Variants in TPTE observed in about 807,000 individuals in gnomAD.
TPTE encodes transmembrane phosphatase with tensin homology.
Under a neutral mutation model 84.1 loss-of-function variants are expected in TPTE, and 59 were observed. The observed-to-expected ratio is 0.70, with a 90% CI of 0.57 to 0.87. The LOEUF (loss-of-function observed/expected upper bound fraction) is 0.87. TPTE is among the 40% of genes least tolerant of loss of function. TPTE has a pLI of 0.00. For synonymous variants in TPTE, 130 were observed against 223.5 expected (o/e 0.58, Z 3.73); for missense variants, 382 against 659.6 (o/e 0.58, Z 4.61).
At chr21:10,572,276 C>T (rs1348810287) in intron 14 of TPTE, among the ~76,000 whole-genome samples, 13 of 152,390 alleles carry the variant, frequency 8.5e-5, no homozygotes, top group African/African-American at 1.2e-4. Context: ...ATGAAGAAAC[C>T]GCATTTCTAC....
chr21:10,588,311 A>C (rs1325227186), intron 17 of TPTE, among the ~76,000 whole-genome samples: 2 of 152,420 alleles, frequency 1.3e-5, no homozygotes, highest in African/African-American at 4.8e-5. Context: ...TGGTTTGCAT[A>C]TGCTGAACCT....
At chr21:10,593,996 C>CT (rs1340021504) in intron 19 of TPTE, among the ~76,000 whole-genome samples, 1 of 152,308 alleles carries the variant, frequency 6.6e-6, no homozygotes, top group Non-Finnish European at 1.5e-5. Context: ...GTCATAGACT[C>CT]TAAGCTAAAA....
chr21:10,566,561 T>A (rs996470092), intron 10 of TPTE, among the ~76,000 whole-genome samples: 7 of 152,312 alleles, frequency 4.6e-5, no homozygotes, highest in South Asian at 2.1e-4. Context: ...CATTCCCTTT[T>A]TGTTGCAGCA....
chr21:10,523,855 TC>T (rs1318023087), intron 1 of TPTE, among the ~76,000 whole-genome samples: 3 of 152,308 alleles, frequency 2.0e-5, no homozygotes, highest in Admixed American at 2.0e-4. Flanking sequence ...TAGTTCTAGA[TC>T]CCTGAGGAAT....
chr21:10,531,576 A>G (rs576695305), intron 3 of TPTE, among the ~76,000 whole-genome samples: 239 of 152,286 alleles, frequency 1.6e-3, no homozygotes, highest in Middle Eastern at 3.4e-3. Flanking sequence ...ATGGAATCCC[A>G]TTCAAAAGTT....
At chr21:10,544,858 C>T (rs1392751554) in intron 7 of TPTE, among the ~76,000 whole-genome samples, 5 of 152,308 alleles carry the variant, frequency 3.3e-5, no homozygotes, top group African/African-American at 1.2e-4. Context: ...TTGCCAGAAA[C>T]AGTAACTTGG....
Position 10,605,462 on chromosome 21 carries a change from A to T in TPTE, c.1566A>T (p.Lys522Asn), listed in dbSNP as rs1979172862. 6.2e-7 allele frequency: 1 copy of T among 1,614,232 alleles called. No homozygotes were observed. Among genetic ancestry groups the T allele is most frequent in the Non-Finnish European group, 8.5e-7 (1 of 1,180,022 alleles). ...AATTGGATAATCTACATAAACAAAA[A>T]GCACGGAGAATTTATCCATCAGATT... is the stretch of plus-strand genomic sequence containing the variant. ...KNELDNLHKQ[K>N]ARRIYPSDFA... The change falls in exon 24 of 24, where the codon AAA becomes AAT. Residue 522 changes from lysine to asparagine, a missense_variant. Physicochemically the swap from Lys to Asn is moderately conservative, Grantham distance 94. Transcript: ENST00000618007.
chr21:10,562,339 A>G (rs1170756165), intron 10 of TPTE, among the ~76,000 whole-genome samples: 1 of 152,308 alleles, frequency 6.6e-6, no homozygotes, highest in Non-Finnish European at 1.5e-5. Flanking sequence ...TAACTCTTCA[A>G]TGCCCAGACA....
chr21:10,542,530 C>CCCATCCAT (rs3049906), intron 6 of TPTE, 82 bp downstream of exon 6: 31,117 of 1,307,216 alleles, frequency 0.024, 10 homozygotes, highest in African/African-American at 0.11. Context: ...GCAAGTATAC[C>CCCATCCAT]CCATCCATCC....
intron 10 of TPTE, among the ~76,000 whole-genome samples, chr21:10,566,545 T>G (rs375857798): frequency 1.3e-5 from 2 of 152,304 alleles, no homozygotes; most frequent in Non-Finnish European, 2.9e-5. Flanking sequence ...ATAGAAGAGA[T>G]ATCTGCATTC....
intron 3 of TPTE, among the ~76,000 whole-genome samples, chr21:10,537,414 C>T (rs1490144570): frequency 3.9e-5 from 6 of 152,308 alleles, no homozygotes; most frequent in Admixed American, 1.3e-4. Context: ...CGTGGTGGCT[C>T]ACGCCTGTAA....
intron 3 of TPTE, among the ~76,000 whole-genome samples, chr21:10,534,271 C>G (rs1568954067): frequency 6.6e-6 from 1 of 152,426 alleles, no homozygotes; most frequent in East Asian, 1.9e-4. Flanking sequence ...GAGATGTAGG[C>G]AGGTGGAGGA....
At chr21:10,593,242 G>T (rs900599572) in intron 19 of TPTE, among the ~76,000 whole-genome samples, 1 of 152,306 alleles carries the variant, frequency 6.6e-6, no homozygotes, top group Non-Finnish European at 1.5e-5. Context: ...CAGCATTTTA[G>T]TATGACATTT....
intron 3 of TPTE, among the ~76,000 whole-genome samples, chr21:10,527,750 G>A (rs1018313974): frequency 1.3e-5 from 2 of 152,312 alleles, no homozygotes; most frequent in South Asian, 4.1e-4. Flanking sequence ...AAGAGACCCT[G>A]TATCTGTCCC....
At chr21:10,592,881 A>G (rs1260923644) in intron 19 of TPTE, among the ~76,000 whole-genome samples, 2 of 152,300 alleles carry the variant, frequency 1.3e-5, no homozygotes, top group Non-Finnish European at 2.9e-5. Flanking sequence ...AGAAAATAAA[A>G]GGGAAAATAA....
intron 23 of TPTE, 66 bp from the exon 24 acceptor site, chr21:10,605,351 G>T: frequency 1.3e-6 from 2 of 1,581,726 alleles, no homozygotes; most frequent in Non-Finnish European, 1.7e-6. Context: ...TCTAACGTGG[G>T]TACCCAACTG....
chr21:10,565,619 A>G (rs967176479), intron 10 of TPTE, among the ~76,000 whole-genome samples: 5 of 152,304 alleles, frequency 3.3e-5, no homozygotes, highest in Non-Finnish European at 7.3e-5. Context: ...CTACAGAACT[A>G]TATAACCAAA....
chr21:10,538,916 C>T (rs552911199), intron 4 of TPTE, among the ~76,000 whole-genome samples, 182 bp downstream of exon 4: 1 of 152,428 alleles, frequency 6.6e-6, no homozygotes, highest in South Asian at 2.1e-4. Flanking sequence ...AACAAGGAGA[C>T]AGACGGCCGG....
intron 10 of TPTE, among the ~76,000 whole-genome samples, chr21:10,564,836 A>G (rs1272914955): frequency 1.3e-5 from 2 of 152,312 alleles, no homozygotes; most frequent in Non-Finnish European, 2.9e-5. Flanking sequence ...AACTGGGTAT[A>G]GAAGTAACAT....
Sources: allele counts gnomAD v4.1 joint callset (sites outside exome capture counted in the v4.1 genomes callset), GRCh38; gene constraint gnomAD v4.1.1; transcripts MANE v1.5; gene names NCBI Gene and HGNC (gene_info 2026-07-23, HGNC 2026-07-21).